The following CSMD2 variants were observed in gnomAD, a reference collection of about 807,000 sequenced individuals.
CSMD2 encodes the protein CUB and sushi domain-containing protein 2.
CSMD2 carries 130 observed loss-of-function variants against 398.5 expected under a neutral mutation model. That is an observed-to-expected ratio of 0.33 (90% CI 0.28 to 0.38). CSMD2 has a LOEUF of 0.38. Ranked by LOEUF, CSMD2 falls within the 10% of genes least tolerant of loss-of-function variation. The pLI is 1.00. For missense variants in CSMD2, 3,829 were observed against 4,764.9 expected (o/e 0.80, Z 5.78); for synonymous variants, 1,828 against 1,908.5 (o/e 0.96, Z 1.10).
At chr1:34,075,685 T>G (rs1305800177) in intron 2 of CSMD2, among the ~76,000 whole-genome samples, 5 of 152,194 alleles carry the variant, frequency 3.3e-5, no homozygotes, top group Admixed American at 2.0e-4. Context: ...CGGGATGCAG[T>G]TTATTAGCAG....
intron 25 of CSMD2, among the ~76,000 whole-genome samples, chr1:33,673,339 T>C (rs1315152545): frequency 6.6e-6 from 1 of 152,214 alleles, no homozygotes; most frequent in Non-Finnish European, 1.5e-5. Flanking sequence ...GCTGATGCGT[T>C]CAACTGTAAG....
At chr1:33,816,007 G>A (rs1013033090) in intron 9 of CSMD2, among the ~76,000 whole-genome samples, 1 of 152,072 alleles carries the variant, frequency 6.6e-6, no homozygotes, top group African/African-American at 2.4e-5. Context: ...ACAGCCACCT[G>A]TAATTATCAT....
upstream of CSMD2, among the ~76,000 whole-genome samples, chr1:34,165,593 CACACAA>C (rs890650551): frequency 1.4e-4 from 21 of 149,624 alleles, no homozygotes; most frequent in African/African-American, 4.8e-4. Flanking sequence ...CACACACACA[CACACAA>C]ACACACACAC....
chr1:34,160,267 G>A (rs1641208561), intron 1 of CSMD2, among the ~76,000 whole-genome samples: 1 of 152,170 alleles, frequency 6.6e-6, no homozygotes. Flanking sequence ...GGCACTCTCC[G>A]CTGCAGTCAG....
In CSMD2 at chr1:34,004,117, A is replaced by G. The variant is rs186322382; in HGVS notation, c.517+28477T>C. Among the ~76,000 whole-genome samples the G allele has an allele frequency of 1.2e-3, 189 of 152,310 alleles. 1 individual carries two copies. Among genetic ancestry groups the G allele is most frequent in the African/African-American group, 4.5e-3 (187 of 41,570 alleles). ...AAAAACACTTCTTCCATGACTTTAG[A>G]TCTGCAGATGTCTGGGGAAATATAA... On this transcript the variant is annotated intron_variant, in intron 3 of 70. Coordinates refer to ENST00000373381, the MANE Select transcript of CSMD2 (RefSeq NM_001281956.2).
intron 5 of CSMD2, among the ~76,000 whole-genome samples, chr1:33,889,802 T>C (rs1436658579): frequency 6.6e-6 from 1 of 150,804 alleles, no homozygotes; most frequent in Non-Finnish European, 1.5e-5. Context: ...CCAGCGTGTG[T>C]GTGTGTAATG....
intron 5 of CSMD2, among the ~76,000 whole-genome samples, chr1:33,897,482 G>A (rs148532623): frequency 2.9e-4 from 44 of 152,328 alleles, no homozygotes; most frequent in African/African-American, 8.7e-4. Context: ...TTCTTTCCTG[G>A]GGTAAACAAG....
At chr1:33,792,039 A>G (rs549699738) in intron 11 of CSMD2, among the ~76,000 whole-genome samples, 1 of 152,258 alleles carries the variant, frequency 6.6e-6, no homozygotes, top group South Asian at 2.1e-4. Context: ...ACTCATTTCC[A>G]TTATCTCTGT....
rs1641274864 is a variant in CSMD2, at chr1:33,614,741, T to C, written c.6017-121A>G. The C allele has an allele frequency of 9.9e-6, 6 of 607,612 alleles. No homozygotes were observed. The South Asian group carries it at 1.2e-4, about 13-fold the overall frequency. The allele number at this position is 607,612 out of a possible 1,614,324, so 37.6% of individuals were successfully genotyped here. A position where few individuals can be genotyped will look rare whatever the true frequency, so the allele number is the denominator to read the frequency against. ...AAGCTTTCATGAGTCATATAGCCCC[T>C]TGAGAATCCAAAGGAATCTTCTTAA... On this transcript the variant is annotated intron_variant, in intron 39 of 70. Coordinates refer to ENST00000373381, the MANE Select transcript of CSMD2 (RefSeq NM_001281956.2).
chr1:33,767,852 C>T lies in CSMD2; in HGVS notation c.1846+4717G>A, dbSNP rs577801088. 1.2e-3 allele frequency among the ~76,000 whole-genome samples: 177 copies of T among 152,294 alleles called. 1 individual carries two copies. Among genetic ancestry groups the T allele is most frequent in the African/African-American group, 3.8e-3 (158 of 41,558 alleles). ...CCTAGTATTTTTATCCTAAGGCTTC[C>T]TTGTCCTTACATTTGCAGATGATCC... On this transcript the variant is annotated intron_variant, in intron 13 of 70. Transcript: ENST00000373381.
At chr1:33,700,010 A>AT (rs5773425) in intron 23 of CSMD2, among the ~76,000 whole-genome samples, 130,945 of 148,458 alleles carry the variant, frequency 0.88, 57,741 homozygotes, top group African/African-American at 0.93. Context: ...ACTTTACTCC[A>AT]TTTTTTTTTT....
chr1:33,741,316 G>T (rs188055336), intron 14 of CSMD2, among the ~76,000 whole-genome samples: 6 of 152,238 alleles, frequency 3.9e-5, no homozygotes, highest in Non-Finnish European at 1.5e-5. Flanking sequence ...CAGTTGGGAT[G>T]TAGGAGGAGA....
intron 56 of CSMD2, among the ~76,000 whole-genome samples, chr1:33,549,155 C>T (rs1158009889): frequency 1.3e-5 from 2 of 152,178 alleles, no homozygotes. Context: ...GAGGCAGGCT[C>T]ATCTGGGAAT....
Position 33,724,327 on chromosome 1 carries a change from G to A in CSMD2, c.2885-14C>T, listed in dbSNP as rs776447597. The A allele has an allele frequency of 6.3e-7, 1 of 1,593,908 alleles. No homozygotes were observed. Among genetic ancestry groups the A allele is most frequent in the South Asian group, 1.1e-5 (1 of 90,314 alleles). ...CACCACAGAGAGCTACAGAAGGAGT[G>A]AAGAGGGCAGTGAAAGACCAGAGGG... is the stretch of plus-strand genomic sequence containing the variant. On this transcript the variant is annotated splice_polypyrimidine_tract_variant and intron_variant, in intron 18 of 70. Transcript: ENST00000373381.
In CSMD2 at chr1:33,604,038, C is replaced by T. The variant is rs185423725; in HGVS notation, c.6532+1244G>A. Among the ~76,000 whole-genome samples, 115 of 152,222 alleles carry T rather than the reference C, an allele frequency of 7.6e-4. 1 individual carries two copies. The highest frequency in any genetic ancestry group is 2.5e-4 in the Non-Finnish European group (17 of 68,004). On this transcript the variant is annotated intron_variant, in intron 42 of 70. Transcript: ENST00000373381. ...GCTATATTAAGGGGCTTAAAATTTG[C>T]CATTAGGGACATGGGAGAAAGCAAG...
intron 3 of CSMD2, among the ~76,000 whole-genome samples, chr1:33,952,831 C>T (rs964493741): frequency 4.6e-5 from 7 of 152,158 alleles, no homozygotes; most frequent in Admixed American, 3.9e-4. Context: ...CTTGAATCAA[C>T]GACTCTATGA....
At chr1:33,571,764 T>A (rs377044808) in intron 50 of CSMD2, 38 bp from the exon 51 acceptor site, 4 of 1,373,684 alleles carry the variant, frequency 2.9e-6, no homozygotes, top group African/African-American at 1.4e-5. Context: ...ATTAATTACT[T>A]GATTAATTCT....
chr1:34,162,229 T>G (rs1289502895), intron 1 of CSMD2, among the ~76,000 whole-genome samples: 90 of 61,402 alleles, frequency 1.5e-3, no homozygotes, highest in African/African-American at 2.0e-3. Flanking sequence ...AGGTAATTGG[T>G]GGGAAGTCTC....
At chr1:33,524,702 C>T (rs1654614263) in intron 66 of CSMD2, among the ~76,000 whole-genome samples, 180 bp downstream of exon 66, 1 of 152,168 alleles carries the variant, frequency 6.6e-6, no homozygotes, top group African/African-American at 2.4e-5. Context: ...GCCATTTAAA[C>T]ATTTCCCTTT....
Sources: allele counts gnomAD v4.1 joint callset (sites outside exome capture counted in the v4.1 genomes callset), GRCh38; gene constraint gnomAD v4.1.1; transcripts MANE v1.5; gene names NCBI Gene and HGNC (gene_info 2026-07-23, HGNC 2026-07-21).